Variants in C7orf78 observed in about 807,000 individuals in gnomAD.
The protein encoded by C7orf78 is chromosome 7 open reading frame 78.
chr7:12,511,750 G>A, the C7orf78 span, among the ~76,000 whole-genome samples: 1 of 151,100 alleles, frequency 6.6e-6, no homozygotes, highest in East Asian at 1.9e-4. Context: ...TTGGGTTTTT[G>A]TTTTTTGTTT....
the C7orf78 span, among the ~76,000 whole-genome samples, chr7:12,520,500 C>T: frequency 2.3e-3 from 344 of 152,230 alleles, 1 homozygote; most frequent in African/African-American, 7.8e-3. Context: ...TATTCAAGAG[C>T]GTGTTGCTTA....
chr7:12,494,029 T>C, the C7orf78 span, among the ~76,000 whole-genome samples: 34,293 of 152,038 alleles, frequency 0.23, 4,837 homozygotes, highest in East Asian at 0.51. Context: ...GGATGAGTCA[T>C]AAAAGAGAAT....
At chr7:12,499,389 A>G in the C7orf78 span, among the ~76,000 whole-genome samples, 1 of 151,524 alleles carries the variant, frequency 6.6e-6, no homozygotes, top group Non-Finnish European at 1.5e-5. Context: ...AGGAAGATCT[A>G]CCAAGCAAAT....
At chr7:12,525,598 C>G in the C7orf78 span, among the ~76,000 whole-genome samples, 1 of 152,002 alleles carries the variant, frequency 6.6e-6, no homozygotes, top group Non-Finnish European at 1.5e-5. Context: ...TGAAGTACTC[C>G]TCTCTACCAC....
chr7:12,519,919 C>A, the C7orf78 span, among the ~76,000 whole-genome samples: 1 of 152,190 alleles, frequency 6.6e-6, no homozygotes, highest in Non-Finnish European at 1.5e-5. Context: ...TGGTGCCATG[C>A]TGTAGCCACT....
the C7orf78 span, among the ~76,000 whole-genome samples, chr7:12,508,447 A>G: frequency 4.6e-5 from 7 of 152,188 alleles, no homozygotes; most frequent in African/African-American, 1.4e-4. Flanking sequence ...AGAAAATGCT[A>G]TGTAAGGAAA....
chr7:12,528,763 T>G, the C7orf78 span: 1 of 392,390 alleles, frequency 2.5e-6, no homozygotes, highest in African/African-American at 2.1e-5. Flanking sequence ...AAGAAAAGTT[T>G]TGTTTAGATT....
chr7:12,535,422 C>T, the C7orf78 span, among the ~76,000 whole-genome samples: 1 of 152,168 alleles, frequency 6.6e-6, no homozygotes, highest in Admixed American at 6.5e-5. Flanking sequence ...ATCACAAGAA[C>T]AGCATGGGAA....
the C7orf78 span, among the ~76,000 whole-genome samples, chr7:12,510,447 T>C: frequency 6.6e-6 from 1 of 152,236 alleles, no homozygotes; most frequent in Non-Finnish European, 1.5e-5. Context: ...GTGGGATTTC[T>C]GGATATTATG....
At chr7:12,522,440 C>A in the C7orf78 span, among the ~76,000 whole-genome samples, 1 of 152,090 alleles carries the variant, frequency 6.6e-6, no homozygotes, top group Non-Finnish European at 1.5e-5. Context: ...TTACAATGTA[C>A]TCATGATGGT....
At chr7:12,533,205 G>A in the C7orf78 span, among the ~76,000 whole-genome samples, 1 of 151,956 alleles carries the variant, frequency 6.6e-6, no homozygotes, top group Non-Finnish European at 1.5e-5. Flanking sequence ...TTGTTGTTTT[G>A]TTTGTTTGTT....
the C7orf78 span, chr7:12,491,942 T>C: frequency 6.6e-6 from 1 of 152,214 alleles, no homozygotes; most frequent in Admixed American, 6.5e-5. Context: ...TATAATAATC[T>C]TGAGTAATTC....
At chr7:12,514,351 CTGATA>C in the C7orf78 span, among the ~76,000 whole-genome samples, 2 of 151,836 alleles carry the variant, frequency 1.3e-5, no homozygotes, top group Non-Finnish European at 1.5e-5. Flanking sequence ...TCTGTTTTAT[CTGATA>C]TAAGTACAGC....
At chr7:12,487,884 C>A in the C7orf78 span, among the ~76,000 whole-genome samples, 2 of 151,988 alleles carry the variant, frequency 1.3e-5, no homozygotes, top group African/African-American at 2.4e-5. Context: ...AAGAACCAAA[C>A]AAGCAGCTCT....
the C7orf78 span, among the ~76,000 whole-genome samples, chr7:12,532,284 T>C: frequency 1.3e-5 from 2 of 152,194 alleles, no homozygotes. Flanking sequence ...GCATGGTGGC[T>C]CACGCCTGTA....
chr7:12,509,121 G>GA, the C7orf78 span, among the ~76,000 whole-genome samples: 1 of 152,124 alleles, frequency 6.6e-6, no homozygotes, highest in Non-Finnish European at 1.5e-5. Context: ...AAAGATTGGG[G>GA]ACTGCTGAAC....
chr7:12,496,479 C>G, the C7orf78 span: 1 of 149,096 alleles, frequency 6.7e-6, no homozygotes, highest in Non-Finnish European at 1.5e-5. Context: ...ATTAAGTACT[C>G]TACTGTCATC....
At chr7:12,506,774 A>G in the C7orf78 span, 1 of 337,502 alleles carries the variant, frequency 3.0e-6, no homozygotes, top group Non-Finnish European at 5.7e-6. Flanking sequence ...CATGTACCCT[A>G]GAACTTAAAG....
the C7orf78 span, among the ~76,000 whole-genome samples, chr7:12,492,804 C>A: frequency 1.3e-5 from 2 of 152,184 alleles, no homozygotes; most frequent in Non-Finnish European, 2.9e-5. Flanking sequence ...AAAGCTCTTG[C>A]TAGATGTGAA....
Sources: gnomAD v4.1 joint callset for allele counts (sites outside exome capture counted in the v4.1 genomes callset) on GRCh38, gnomAD v4.1.1 for gene constraint, MANE v1.5 for transcripts, NCBI Gene and HGNC (gene_info 2026-07-23, HGNC 2026-07-21) for gene names.